Variants in EEPD1 observed in about 807,000 individuals in gnomAD.
EEPD1 encodes the protein endonuclease/exonuclease/phosphatase family domain-containing protein 1.
A neutral mutation model predicts 46.3 loss-of-function variants in EEPD1; 17 were observed. The ratio of observed to expected loss-of-function variants is 0.37; its 90% CI spans 0.25 to 0.55. EEPD1 has a LOEUF of 0.55. Ranked by LOEUF, EEPD1 falls within the 20% of genes least tolerant of loss-of-function variation. The pLI is 0.83. For missense variants in EEPD1, 673 were observed against 745.6 expected (o/e 0.90, Z 1.13); for synonymous variants, 313 against 315.6 (o/e 0.99, Z 0.09).
chr7:36,163,481 G>C (rs1227988449), intron 2 of EEPD1, among the ~76,000 whole-genome samples: 1 of 152,188 alleles, frequency 6.6e-6, no homozygotes, highest in Non-Finnish European at 1.5e-5. Context: ...AGATACAGAA[G>C]AGATGGCTCA....
chr7:36,195,854 T>A (rs1785572143), intron 2 of EEPD1, among the ~76,000 whole-genome samples: 1 of 152,240 alleles, frequency 6.6e-6, no homozygotes, highest in Non-Finnish European at 1.5e-5. Context: ...TTATGTTGTA[T>A]ACCATAAATA....
intron 2 of EEPD1, among the ~76,000 whole-genome samples, chr7:36,208,487 G>C (rs773498510): frequency 2.0e-5 from 3 of 152,216 alleles, no homozygotes; most frequent in African/African-American, 4.8e-5. Flanking sequence ...CTGATGCATT[G>C]GAACAGTGTG....
chr7:36,291,398 C>G (rs1787428758), intron 6 of EEPD1, among the ~76,000 whole-genome samples: 2 of 152,180 alleles, frequency 1.3e-5, no homozygotes, highest in African/African-American at 4.8e-5. Context: ...GGCCTGGTGA[C>G]TTTGGACAAA....
intron 2 of EEPD1, among the ~76,000 whole-genome samples, chr7:36,175,509 G>T (rs558270771): frequency 6.6e-6 from 1 of 152,108 alleles, no homozygotes. Flanking sequence ...TGGGATTACA[G>T]GGGTGAACCA....
intron 2 of EEPD1, among the ~76,000 whole-genome samples, chr7:36,195,762 CAA>C (rs560075312): frequency 1.3e-5 from 2 of 151,574 alleles, no homozygotes; most frequent in Non-Finnish European, 2.9e-5. Context: ...GTTCTTATCA[CAA>C]AAAAAATGGT....
intron 2 of EEPD1, among the ~76,000 whole-genome samples, chr7:36,181,909 CCTT>C (rs1785274142): frequency 6.6e-6 from 1 of 152,180 alleles, no homozygotes; most frequent in African/African-American, 2.4e-5. Flanking sequence ...ATCTGTTACT[CCTT>C]CTCCAATATC....
At chr7:36,296,901 G>C in intron 6 of EEPD1, 92 bp from the exon 7 acceptor site, 4 of 1,341,826 alleles carry the variant, frequency 3.0e-6, no homozygotes, top group Non-Finnish European at 4.1e-6. Flanking sequence ...AGTCAAGTCA[G>C]AGAATCTCAA....
intron 2 of EEPD1, among the ~76,000 whole-genome samples, chr7:36,169,520 T>C (rs541045864): frequency 6.6e-6 from 1 of 152,360 alleles, no homozygotes; most frequent in South Asian, 2.1e-4. Context: ...TTATTGGTTA[T>C]TTGTATATCT....
intron 5 of EEPD1, among the ~76,000 whole-genome samples, chr7:36,287,004 C>T (rs1488478538): frequency 6.6e-6 from 1 of 151,994 alleles, no homozygotes; most frequent in African/African-American, 2.4e-5. Context: ...AGGAGGATCA[C>T]TTGAGGGCAG....
At chr7:36,237,843 C>T (rs1786484901) in intron 2 of EEPD1, among the ~76,000 whole-genome samples, 1 of 152,010 alleles carries the variant, frequency 6.6e-6, no homozygotes, top group Admixed American at 6.5e-5. Context: ...ACCAGATACT[C>T]GGGAGGCTGA....
At chr7:36,199,317 T>G (rs898023949) in intron 2 of EEPD1, among the ~76,000 whole-genome samples, 1 of 152,174 alleles carries the variant, frequency 6.6e-6, no homozygotes, top group African/African-American at 2.4e-5. Flanking sequence ...AAGAATTTTT[T>G]GGGAAGAGAG....
chr7:36,221,764 G>T (rs1247650244), intron 2 of EEPD1, among the ~76,000 whole-genome samples: 1 of 152,090 alleles, frequency 6.6e-6, no homozygotes, highest in Non-Finnish European at 1.5e-5. Context: ...TGTCATTTAT[G>T]GTGTACCTAT....
intron 4 of EEPD1, among the ~76,000 whole-genome samples, chr7:36,284,370 G>T (rs1394370548): frequency 6.6e-6 from 1 of 152,230 alleles, no homozygotes; most frequent in Non-Finnish European, 1.5e-5. Context: ...AGCATGAATT[G>T]CTACCTCATG....
chr7:36,155,028 CA>C lies in EEPD1; in HGVS notation c.705del (p.Thr239ProfsTer23), dbSNP rs755437236. ...CAGAGTGAGGACCTGGACCTGCCGC[CA>C]GGGGGGCCCACCCAGATTATCTCCA... ...SLQSEDLDLP[P>X]GGPTQIISTR... On this transcript the variant is annotated frameshift_variant, in exon 2 of 8. Transcript: ENST00000242108. LOFTEE classifies it high-confidence loss of function. The C allele has an allele frequency of 6.2e-7, 1 of 1,604,608 alleles. No individual in the cohort carries two copies. Among genetic ancestry groups the C allele is most frequent in the Non-Finnish European group, 8.5e-7 (1 of 1,173,790 alleles).
chr7:36,238,305 C>T (rs1232174547), intron 2 of EEPD1, among the ~76,000 whole-genome samples: 2 of 152,256 alleles, frequency 1.3e-5, no homozygotes, highest in East Asian at 1.9e-4. Context: ...AATCTTGTGC[C>T]GACCTCCTAT....
At chr7:36,235,397 A>G (rs953608347) in intron 2 of EEPD1, among the ~76,000 whole-genome samples, 7 of 152,238 alleles carry the variant, frequency 4.6e-5, no homozygotes, top group Non-Finnish European at 1.0e-4. Context: ...GAAACCAGCT[A>G]GTCATCTCTG....
intron 2 of EEPD1, among the ~76,000 whole-genome samples, chr7:36,155,811 A>G (rs1029792967): frequency 6.6e-6 from 1 of 152,194 alleles, no homozygotes; most frequent in African/African-American, 2.4e-5. Context: ...GAAAAAAGCA[A>G]GCTGACGTGT....
intron 2 of EEPD1, among the ~76,000 whole-genome samples, chr7:36,208,157 A>G (rs1034243327): frequency 6.6e-6 from 1 of 152,168 alleles, no homozygotes; most frequent in Non-Finnish European, 1.5e-5. Flanking sequence ...AGTTCAGTGG[A>G]GACCCTGGGC....
rs201844724 is a variant in EEPD1, at chr7:36,287,619, C to G, written c.1177-20C>G. ...TGAGCTTCTGAGCCTCTCCCTGTTG[C>G]TTTGTTTCCTGCTGCCTAGGTGGGA... On this transcript the variant is annotated intron_variant, in intron 5 of 7. Transcript: ENST00000242108. 3 of 1,610,484 alleles carry G rather than the reference C, an allele frequency of 1.9e-6. No individual in the cohort carries two copies. The highest frequency in any genetic ancestry group is 2.5e-6 in the Non-Finnish European group (3 of 1,178,236).
Sources: gnomAD v4.1 joint callset for allele counts (sites outside exome capture counted in the v4.1 genomes callset) on GRCh38, gnomAD v4.1.1 for gene constraint, MANE v1.5 for transcripts, NCBI Gene and HGNC (gene_info 2026-07-23, HGNC 2026-07-21) for gene names.